DPYD: variants seen among roughly 807,000 people sequenced by gnomAD.
DPYD encodes the protein dihydropyrimidine dehydrogenase, also known as dihydropyrimidine dehydrogenase [NADP(+)].
Under a neutral mutation model 116.2 loss-of-function variants are expected in DPYD, and 109 were observed. The observed-to-expected ratio is 0.94, with a 90% CI of 0.80 to 1.10. The LOEUF (loss-of-function observed/expected upper bound fraction) is 1.10. Ranked by LOEUF, DPYD falls within the 50% of genes least tolerant of loss-of-function variation. The pLI, the probability that DPYD is intolerant of heterozygous loss-of-function variation, is 0.00. For synonymous variants in DPYD, 440 were observed against 432.0 expected (o/e 1.02, Z -0.23); for missense variants, 1,302 against 1,254.5 (o/e 1.04, Z -0.57).
At chr1:97,173,305 T>C (rs374587548) in intron 20 of DPYD, among the ~76,000 whole-genome samples, 33,645 of 140,244 alleles carry the variant, frequency 0.24, 4,002 homozygotes, top group Middle Eastern at 0.34. Context: ...CATATGTACA[T>C]ATATATGCAC....
At chr1:97,353,665 G>T (rs1307752578) in intron 16 of DPYD, among the ~76,000 whole-genome samples, 4 of 141,902 alleles carry the variant, frequency 2.8e-5, no homozygotes, top group African/African-American at 2.6e-5. Flanking sequence ...TTTCTCTTTA[G>T]AAATGAATTT....
chr1:97,877,561 G>C (rs1485461200), intron 2 of DPYD, among the ~76,000 whole-genome samples: 2 of 152,088 alleles, frequency 1.3e-5, no homozygotes, highest in African/African-American at 4.8e-5. Context: ...GAGGTATTTA[G>C]TTGCAAAGAA....
chr1:97,834,242 C>T (rs1669661029), intron 2 of DPYD, among the ~76,000 whole-genome samples: 1 of 151,942 alleles, frequency 6.6e-6, no homozygotes, highest in South Asian at 2.1e-4. Context: ...AAAAGTCAAT[C>T]CTGTTGCCAA....
chr1:97,847,646 A>T (rs1283126671), intron 2 of DPYD, among the ~76,000 whole-genome samples: 1 of 152,208 alleles, frequency 6.6e-6, no homozygotes, highest in African/African-American at 2.4e-5. Flanking sequence ...TTAAAATTTA[A>T]TATTAAGTAC....
chr1:97,245,685 A>G (rs1421759733), intron 18 of DPYD, among the ~76,000 whole-genome samples: 2 of 152,188 alleles, frequency 1.3e-5, no homozygotes, highest in Non-Finnish European at 2.9e-5. Flanking sequence ...AGAATCCAGG[A>G]TAACAAGTGG....
intron 3 of DPYD, among the ~76,000 whole-genome samples, chr1:97,793,951 G>T (rs567111926): frequency 6.6e-6 from 1 of 152,200 alleles, no homozygotes; most frequent in South Asian, 2.1e-4. Context: ...TTGTTTGTTT[G>T]TTTGAGACAG....
intron 12 of DPYD, among the ~76,000 whole-genome samples, chr1:97,525,758 T>TAGAGAG (rs58098297): frequency 0.011 from 1,196 of 108,674 alleles, 27 homozygotes; most frequent in East Asian, 0.024. Context: ...CCTGGGTAAT[T>TAGAGAG]AGAGAGAGAG....
intron 20 of DPYD, among the ~76,000 whole-genome samples, chr1:97,123,771 T>C (rs1290535557): frequency 2.0e-5 from 3 of 152,074 alleles, no homozygotes; most frequent in African/African-American, 7.3e-5. Flanking sequence ...CTTTAACAGA[T>C]TTTTTGTTGT....
At chr1:97,507,915 G>A (rs1298775708) in intron 13 of DPYD, among the ~76,000 whole-genome samples, 1 of 151,948 alleles carries the variant, frequency 6.6e-6, no homozygotes, top group African/African-American at 2.4e-5. Flanking sequence ...AAAAGAAAAG[G>A]CTTATGGATA....
At chr1:97,258,539 C>T (rs1425186542) in intron 18 of DPYD, among the ~76,000 whole-genome samples, 2 of 152,140 alleles carry the variant, frequency 1.3e-5, no homozygotes, top group Non-Finnish European at 2.9e-5. Context: ...ATATTTCCTC[C>T]TCCCTGATGT....
intron 20 of DPYD, among the ~76,000 whole-genome samples, chr1:97,123,247 C>T (rs569865402): frequency 5.3e-5 from 8 of 152,042 alleles, no homozygotes; most frequent in East Asian, 1.9e-4. Context: ...CTCTATATGT[C>T]GGTCAGTACT....
chr1:97,541,433 A>C (rs1011948762), intron 12 of DPYD, among the ~76,000 whole-genome samples: 5 of 152,192 alleles, frequency 3.3e-5, no homozygotes, highest in African/African-American at 1.2e-4. Context: ...GGAAAATTGC[A>C]TTGTATGATT....
intron 11 of DPYD, among the ~76,000 whole-genome samples, chr1:97,567,854 G>T (rs1483611957): frequency 1.4e-5 from 2 of 138,472 alleles, no homozygotes; most frequent in East Asian, 4.5e-4. Context: ...CTCATTTGCA[G>T]AAATTCAAAA....
intron 8 of DPYD, among the ~76,000 whole-genome samples, chr1:97,663,105 G>A (rs1290451847): frequency 1.3e-5 from 2 of 152,122 alleles, no homozygotes; most frequent in Non-Finnish European, 2.9e-5. Context: ...AAATAGCGAG[G>A]AGATACTGCC....
intron 12 of DPYD, chr1:97,546,646 G>C: frequency 6.2e-7 from 1 of 1,612,708 alleles, no homozygotes; most frequent in Non-Finnish European, 8.5e-7. Flanking sequence ...GCTTTACATT[G>C]CAGATAGGAA....
chr1:97,664,342 A>G (rs1321626313), intron 8 of DPYD, among the ~76,000 whole-genome samples: 4 of 151,424 alleles, frequency 2.6e-5, no homozygotes, highest in Admixed American at 6.6e-5. Flanking sequence ...ATGTGTGTGT[A>G]TATATATATA....
rs1570669050 is a variant in DPYD, at chr1:97,206,662, ATATATATATATATATATATATATAT to A, written c.2443-13439_2443-13415del. 1.8e-4 allele frequency among the ~76,000 whole-genome samples: 21 copies of A among 116,364 alleles called. 1 individual carries two copies. The East Asian group carries it at 2.4e-3, about 13-fold the overall frequency. The allele number at this position is 116,364 out of a possible 152,430, so 76.3% of individuals were successfully genotyped here. ...TTTATATATATATATATATATATAT[ATATATATATATATATATATATATAT>A]AATCTATATGCTTATAATGCATATG... On this transcript the variant is annotated intron_variant, in intron 19 of 22. Coordinates refer to ENST00000370192, the MANE Select transcript of DPYD (RefSeq NM_000110.4).
In DPYD at chr1:97,702,813, A is replaced by C. The variant is rs114706741; in HGVS notation, c.484-3266T>G. ...ATGTATTTTCACCTAAAATATTTTA[A>C]TATTTTTGAATAAAAATTTAAGCCT... is the stretch of plus-strand genomic sequence containing the variant. On this transcript the variant is annotated intron_variant, in intron 5 of 22. Coordinates refer to ENST00000370192, the MANE Select transcript of DPYD (RefSeq NM_000110.4). Among the ~76,000 whole-genome samples, 770 of 152,140 alleles carry C rather than the reference A, an allele frequency of 5.1e-3. 5 individuals carry two copies. The highest frequency in any genetic ancestry group is 0.018 in the African/African-American group (731 of 41,560).
At chr1:97,117,733 T>C (rs1652093297) in intron 20 of DPYD, among the ~76,000 whole-genome samples, 1 of 152,204 alleles carries the variant, frequency 6.6e-6, no homozygotes, top group Admixed American at 6.5e-5. Flanking sequence ...TCAAGGTTCA[T>C]AAATTTATTA....
Sources: gnomAD v4.1 joint callset for allele counts (sites outside exome capture counted in the v4.1 genomes callset) on GRCh38, gnomAD v4.1.1 for gene constraint, MANE v1.5 for transcripts, NCBI Gene and HGNC (gene_info 2026-07-23, HGNC 2026-07-21) for gene names.